The following NUP58 variants were observed in gnomAD, a reference collection of about 807,000 sequenced individuals.
NUP58 encodes nucleoporin 58, also known as nucleoporin p58/p45.
A neutral mutation model predicts 70.1 loss-of-function variants in NUP58; 17 were observed. The observed-to-expected ratio is 0.24, with a 90% CI of 0.17 to 0.36. NUP58 has a LOEUF of 0.36. NUP58 is among the 10% of genes least tolerant of loss of function. NUP58 has a pLI of 1.00. For missense variants in NUP58, 644 were observed against 701.5 expected, an observed-to-expected ratio of 0.92 and a Z score of 0.93; for synonymous variants, 275 against 257.6, an observed-to-expected ratio of 1.07 and a Z score of -0.65.
intron 3 of NUP58, among the ~76,000 whole-genome samples, chr13:25,347,521 C>T (rs746726878): frequency 4.6e-5 from 7 of 152,180 alleles, no homozygotes; most frequent in Non-Finnish European, 7.3e-5. Context: ...GTTATAACCT[C>T]GATGTCTTTG....
intron 13 of NUP58, chr13:25,334,953 CA>C: frequency 1.0e-6 from 1 of 984,840 alleles, no homozygotes; most frequent in Non-Finnish European, 1.2e-6. Context: ...AATTTCAAAG[CA>C]GACTTCTTGA....
chr13:25,326,334 T>G (rs1702765715), intron 10 of NUP58, among the ~76,000 whole-genome samples: 2 of 149,148 alleles, frequency 1.3e-5, no homozygotes, highest in African/African-American at 5.2e-5. Flanking sequence ...TCAAGATACC[T>G]TCTTTTTTTT....
At chr13:25,307,209 G>GTTTTTTTTT (rs1433449217) in intron 1 of NUP58, among the ~76,000 whole-genome samples, 1 of 46,398 alleles carries the variant, frequency 2.2e-5, no homozygotes. Flanking sequence ...ATCTGGTATT[G>GTTTTTTTTT]TATTTTTTTT....
At chr13:25,307,020 C>A (rs1252783478) in intron 1 of NUP58, among the ~76,000 whole-genome samples, 1 of 151,980 alleles carries the variant, frequency 6.6e-6, no homozygotes, top group East Asian at 1.9e-4. Flanking sequence ...ACCACATTGC[C>A]CCATGAATGT....
chr13:25,331,943 A>G (rs1259162360), intron 13 of NUP58: 18 of 1,065,788 alleles, frequency 1.7e-5, no homozygotes, highest in Non-Finnish European at 1.9e-5. Flanking sequence ...TTTTTCATAT[A>G]TGATACTGAT....
At chr13:25,305,446 A>G (rs2030300448) in intron 1 of NUP58, among the ~76,000 whole-genome samples, 1 of 152,156 alleles carries the variant, frequency 6.6e-6, no homozygotes, top group Admixed American at 6.5e-5. Context: ...CTGGGATTAC[A>G]GGTGTGAGCC....
intron 6 of NUP58, 127 bp from the exon 7 acceptor site, chr13:25,319,199 T>C: frequency 1.1e-6 from 1 of 872,054 alleles, no homozygotes; most frequent in East Asian, 2.4e-5. Flanking sequence ...ATGATGTTTA[T>C]GAGGCAAGCA....
intron 15 of NUP58, 97 bp downstream of exon 15, chr13:25,338,828 C>T (rs2031869279): frequency 3.1e-6 from 3 of 973,642 alleles, no homozygotes; most frequent in Admixed American, 2.2e-5. Context: ...CAAAAAGTTC[C>T]CTCCCTGATT....
intron 3 of NUP58, among the ~76,000 whole-genome samples, chr13:25,311,026 C>G (rs2030638871): frequency 1.3e-5 from 2 of 152,012 alleles, no homozygotes; most frequent in South Asian, 4.1e-4. Flanking sequence ...CTTGTATAAT[C>G]CGATAAATGT....
intron 1 of NUP58, 100 bp downstream of exon 1, chr13:25,301,980 C>T (rs2030033648): frequency 1.3e-6 from 1 of 773,816 alleles, no homozygotes; most frequent in Non-Finnish European, 2.1e-6. Context: ...CTCTGGCTTC[C>T]TTCCCAGTGG....
intron 3 of NUP58, among the ~76,000 whole-genome samples, chr13:25,348,881 G>A (rs1434574884): frequency 2.0e-5 from 3 of 151,818 alleles, no homozygotes; most frequent in Non-Finnish European, 4.4e-5. Context: ...ACTCTTTTTC[G>A]TAACATACAA....
At position 25,327,427 on chromosome 13, in the gene NUP58, T is replaced by A; in HGVS notation, c.1151-3T>A. 6.3e-7 allele frequency: 1 copy of A among 1,583,958 alleles called. No individual in the cohort carries two copies. The highest frequency in any genetic ancestry group is 8.7e-7 in the Non-Finnish European group (1 of 1,155,486). ...TGGGTGATAATGTAATTTTCTTTTA[T>A]AGATTTGTCAATGGCTATGCAGAAA... On this transcript the variant is annotated splice_region_variant and splice_polypyrimidine_tract_variant and intron_variant, in intron 11 of 15. Coordinates refer to ENST00000381736, the MANE Select transcript of NUP58 (RefSeq NM_014089.4).
At chr13:25,344,189 TTTTC>T (rs2032021819), downstream of NUP58, among the ~76,000 whole-genome samples, 1 of 152,094 alleles carries the variant, frequency 6.6e-6, no homozygotes, top group Admixed American at 6.5e-5. Context: ...AATTAGGGTT[TTTTC>T]TTAATGATTT....
At chr13:25,319,414 C>A in intron 7 of NUP58, 64 bp downstream of exon 7, 2 of 1,432,724 alleles carry the variant, frequency 1.4e-6, no homozygotes, top group Non-Finnish European at 2.0e-6. Context: ...AAATTGTAGG[C>A]AGATGGTATA....
At chr13:25,322,445 T>G (rs1438527860) in intron 9 of NUP58, among the ~76,000 whole-genome samples, 1 of 152,210 alleles carries the variant, frequency 6.6e-6, no homozygotes, top group Non-Finnish European at 1.5e-5. Flanking sequence ...TAATACAGGT[T>G]GAGCATCCCT....
intron 12 of NUP58, 107 bp from the exon 13 acceptor site, chr13:25,331,250 T>C (rs1593196531): frequency 2.0e-6 from 2 of 1,020,058 alleles, no homozygotes; most frequent in Non-Finnish European, 2.9e-6. Flanking sequence ...TTGGATTGAA[T>C]GTATAATATT....
intron 5 of NUP58, among the ~76,000 whole-genome samples, chr13:25,314,125 G>A (rs565072108): frequency 6.6e-6 from 1 of 152,052 alleles, no homozygotes; most frequent in South Asian, 2.1e-4. Flanking sequence ...GAGATGAGGG[G>A]GTTCACCATG....
At chr13:25,320,745 G>A in intron 8 of NUP58, 150 bp downstream of exon 8, 1 of 766,042 alleles carries the variant, frequency 1.3e-6, no homozygotes, top group African/African-American at 1.8e-5. Flanking sequence ...CAGAAAAAAA[G>A]CAGAACAACA....
chr13:25,337,548 T>G (rs1440886101), intron 14 of NUP58, among the ~76,000 whole-genome samples: 1 of 152,180 alleles, frequency 6.6e-6, no homozygotes, highest in Non-Finnish European at 1.5e-5. Context: ...TTAAGCTTAT[T>G]TTAATACTTT....
Sources: gnomAD v4.1 joint callset for allele counts (sites outside exome capture counted in the v4.1 genomes callset) on GRCh38, gnomAD v4.1.1 for gene constraint, MANE v1.5 for transcripts, NCBI Gene and HGNC (gene_info 2026-07-23, HGNC 2026-07-21) for gene names.